The following PI15 variants were observed in gnomAD, a reference collection of about 807,000 sequenced individuals.
The protein encoded by PI15 is 25 kDa trypsin inhibitor.
PI15 carries 18 observed loss-of-function variants against 31.0 expected under a neutral mutation model. The ratio of observed to expected loss-of-function variants is 0.58; its 90% CI spans 0.40 to 0.86. The LOEUF (loss-of-function observed/expected upper bound fraction) is 0.86, where lower values mean the gene tolerates loss of function less well. Ranked by LOEUF, PI15 falls within the 40% of genes least tolerant of loss-of-function variation. The pLI, the probability that PI15 is intolerant of heterozygous loss-of-function variation, is 0.00. For missense variants in PI15, 282 were observed against 328.1 expected, an observed-to-expected ratio of 0.86 and a Z score of 1.09; for synonymous variants, 118 against 119.1, an observed-to-expected ratio of 0.99 and a Z score of 0.06.
rs1370949969 is a variant in PI15 at position 74,852,625 on chromosome 8, G to GT, written c.*3373dup. The GT allele has an allele frequency of 1.3e-5, 2 of 152,080 alleles. No homozygotes were observed. The highest frequency in any genetic ancestry group is 2.4e-5 in the African/African-American group (1 of 41,450). 9.4% of individuals were successfully genotyped at this position (152,080 alleles called of 1,614,324 possible). ...AGCACAGAGTTGACCAAACACTGGCGTAAGTTCAATTTACACAGAATATTT... is the reference window on the plus strand; with the variant it reads ...AGCACAGAGTTGACCAAACACTGGCGTTAAGTTCAATTTACACAGAATATTT... On this transcript the variant is annotated 3_prime_UTR_variant, in exon 6 of 6. Transcript: ENST00000260113.
chr8:74,836,737 G>A (rs1254240002), intron 2 of PI15, among the ~76,000 whole-genome samples: 1 of 152,148 alleles, frequency 6.6e-6, no homozygotes, highest in Non-Finnish European at 1.5e-5. Flanking sequence ...GGTCAGGCAT[G>A]CCAAAAGCTG....
intron 2 of PI15, among the ~76,000 whole-genome samples, chr8:74,833,693 A>C (rs1273783882): frequency 6.6e-6 from 1 of 152,106 alleles, no homozygotes; most frequent in Non-Finnish European, 1.5e-5. Context: ...TAACTCTCTC[A>C]AGTTTTGAGA....
In PI15 at chr8:74,849,191, T is replaced by A; in HGVS notation, c.715T>A (p.Ser239Thr). 1 of 1,611,280 alleles carries A rather than the reference T, an allele frequency of 6.2e-7. No individual in the cohort carries two copies. ...CSSCPPSYGG[S>T]CTDNLCFPGV... Reference sequence around the variant, plus strand: ...ATCTTGTCCTCCAAGTTATGGGGGATCTTGTACTGACAATCTGTGTTTTCC... The same window carrying A: ...ATCTTGTCCTCCAAGTTATGGGGGAACTTGTACTGACAATCTGTGTTTTCC... The change falls in exon 6 of 6, where the codon TCT (serine) becomes ACT (threonine). Residue 239 changes from serine to threonine, a missense_variant. Transcript: ENST00000260113.
At chr8:74,849,081 G>T (rs1811067375) in intron 5 of PI15, 37 bp from the exon 6 acceptor site, 1 of 1,592,734 alleles carries the variant, frequency 6.3e-7, no homozygotes, top group Non-Finnish European at 8.6e-7. Context: ...AAATGGGTGG[G>T]TTGCACTAAT....
Position 74,850,346 on chromosome 8 carries a change from T to C in PI15, c.*1093T>C, listed in dbSNP as rs1176066280. ...GAAGTCTAAGAGAAATAAAATTTAG[T>C]GGACAGGTATGAAAAGTGTAATTGC... On this transcript the variant is annotated 3_prime_UTR_variant, in exon 6 of 6. Transcript: ENST00000260113. 1.3e-5 allele frequency: 2 copies of C among 152,186 alleles called. No homozygotes were observed. Among genetic ancestry groups the C allele is most frequent in the African/African-American group, 4.8e-5 (2 of 41,444 alleles). 9.4% of individuals were successfully genotyped at this position (152,186 alleles called of 1,614,324 possible).
At chr8:74,849,091 T>C in intron 5 of PI15, 27 bp from the exon 6 acceptor site, 7 of 1,604,784 alleles carry the variant, frequency 4.4e-6, no homozygotes, top group Middle Eastern at 1.7e-4. Flanking sequence ...GTTGCACTAA[T>C]GCTATCTTTT....
intron 2 of PI15, among the ~76,000 whole-genome samples, chr8:74,837,599 C>CT (rs967274458): frequency 1.7e-4 from 25 of 151,136 alleles, no homozygotes; most frequent in Middle Eastern, 3.4e-3. Flanking sequence ...TTTTTAATGG[C>CT]TTTTTTTTTC....
chr8:74,829,628 G>A (rs1357282751), intron 2 of PI15, among the ~76,000 whole-genome samples: 5 of 152,042 alleles, frequency 3.3e-5, no homozygotes. Flanking sequence ...AAACATTTTT[G>A]TCTTTAAAGT....
chr8:74,851,034 T>C lies in PI15; in HGVS notation c.*1781T>C, dbSNP rs1811097543. 6.6e-6 allele frequency: 1 copy of C among 152,586 alleles called. No homozygotes were observed. Among genetic ancestry groups the C allele is most frequent in the Admixed American group, 6.5e-5 (1 of 15,272 alleles). The allele number at this position is 152,586 out of a possible 1,614,324, so 9.5% of individuals were successfully genotyped here. ...TAAATCCATTCAATGGTAAAGAAAC[T>C]CACCATCTGGAGATTGAGTCTACTT... is the stretch of plus-strand genomic sequence containing the variant. On this transcript the variant is annotated 3_prime_UTR_variant, in exon 6 of 6. Coordinates refer to ENST00000260113, the MANE Select transcript of PI15 (RefSeq NM_015886.5).
chr8:74,844,427 C>CTG (rs57644375), intron 3 of PI15, among the ~76,000 whole-genome samples: 8,842 of 141,684 alleles, frequency 0.062, 244 homozygotes, highest in South Asian at 0.092. Context: ...TGTGCAGAGG[C>CTG]TGTGTGTGTG....
At position 74,852,995 on chromosome 8, in the gene PI15, T is replaced by A. The variant is rs1168499485; in HGVS notation, c.*3742T>A. The A allele has an allele frequency of 6.6e-6, 1 of 152,270 alleles. No individual in the cohort carries two copies. The highest frequency in any genetic ancestry group is 1.5e-5 in the Non-Finnish European group (1 of 67,978). 9.4% of individuals were successfully genotyped at this position (152,270 alleles called of 1,614,324 possible). On this transcript the variant is annotated 3_prime_UTR_variant, in exon 6 of 6. Transcript: ENST00000260113. Reference sequence around the variant, plus strand: ...ACATTATCTTTGCTTTTATGTTTCATAAAAATTTGTCATTATTTATGCTGG... The same window carrying A: ...ACATTATCTTTGCTTTTATGTTTCAAAAAAATTTGTCATTATTTATGCTGG...
At chr8:74,836,491 T>C (rs923228961) in intron 2 of PI15, among the ~76,000 whole-genome samples, 7 of 152,084 alleles carry the variant, frequency 4.6e-5, no homozygotes, top group African/African-American at 1.7e-4. Context: ...CAGCAAATAA[T>C]TGGTGCTTTG....
Position 74,824,969 on chromosome 8 carries a change from T to C in PI15, c.-40-241T>C, listed in dbSNP as rs151039706. ...AAATGGTTCACATTCATTTTAGGGTTAGTGGTCATGCTGTTTATTTTTCTC... is the reference window on the plus strand; with the variant it reads ...AAATGGTTCACATTCATTTTAGGGTCAGTGGTCATGCTGTTTATTTTTCTC... On this transcript the variant is annotated intron_variant, in intron 1 of 5. Coordinates refer to ENST00000260113, the MANE Select transcript of PI15 (RefSeq NM_015886.5). 4.9e-3 allele frequency: 1,924 copies of C among 392,810 alleles called. 33 individuals carry two copies. The highest frequency in any genetic ancestry group is 0.018 in the African/African-American group (926 of 50,066). The allele number at this position is 392,810 out of a possible 1,614,324, so 24.3% of individuals were successfully genotyped here.
chr8:74,846,791 G>A (rs879740520), intron 5 of PI15, among the ~76,000 whole-genome samples: 12 of 151,618 alleles, frequency 7.9e-5, no homozygotes, highest in Admixed American at 2.0e-4. Flanking sequence ...AAAGAGAGAC[G>A]GAGAGAGAGA....
At chr8:74,840,609 AC>A (rs1490595448) in intron 2 of PI15, among the ~76,000 whole-genome samples, 2 of 152,190 alleles carry the variant, frequency 1.3e-5, no homozygotes, top group Non-Finnish European at 2.9e-5. Context: ...CTCAAGCCAG[AC>A]TTTCCCCTTC....
intron 2 of PI15, among the ~76,000 whole-genome samples, chr8:74,843,515 G>A (rs924980875): frequency 6.6e-6 from 1 of 152,132 alleles, no homozygotes; most frequent in Non-Finnish European, 1.5e-5. Flanking sequence ...ATCACTTGAG[G>A]TCAGGAGTTC....
chr8:74,834,271 CT>C (rs1471849182), intron 2 of PI15, among the ~76,000 whole-genome samples: 1 of 152,150 alleles, frequency 6.6e-6, no homozygotes, highest in African/African-American at 2.4e-5. Context: ...TGGATTTCAT[CT>C]GAGGATATTG....
At chr8:74,830,924 C>T (rs1296555154) in intron 2 of PI15, among the ~76,000 whole-genome samples, 2 of 152,140 alleles carry the variant, frequency 1.3e-5, no homozygotes, top group Admixed American at 1.3e-4. Flanking sequence ...TTTTCTCCAG[C>T]ACATTCAGAA....
At chr8:74,828,619 G>T (rs1221650818) in intron 2 of PI15, among the ~76,000 whole-genome samples, 1 of 152,046 alleles carries the variant, frequency 6.6e-6, no homozygotes, top group African/African-American at 2.4e-5. Flanking sequence ...AAAGATAGTA[G>T]AATTCCTAAC....
Sources: allele counts gnomAD v4.1 joint callset (sites outside exome capture counted in the v4.1 genomes callset), GRCh38; gene constraint gnomAD v4.1.1; transcripts MANE v1.5; gene names NCBI Gene and HGNC (gene_info 2026-07-23, HGNC 2026-07-21).